The following NPSR1 variants were observed in gnomAD, a reference collection of about 807,000 sequenced individuals.
NPSR1 encodes neuropeptide S receptor.
A neutral mutation model predicts 46.9 loss-of-function variants in NPSR1; 48 were observed. The ratio of observed to expected loss-of-function variants is 1.02; its 90% CI spans 0.81 to 1.30. The LOEUF is 1.30. Ranked by LOEUF, NPSR1 falls within the 50% of genes most tolerant of loss-of-function variation. The probability of loss-of-function intolerance (pLI) is 0.00; values close to 1 mark genes in which losing one functional copy is unlikely to be tolerated. For missense variants in NPSR1, 450 were observed against 449.5 expected (o/e 1.00, Z -0.01); for synonymous variants, 176 against 168.1 (o/e 1.05, Z -0.36).
intron 2 of NPSR1, among the ~76,000 whole-genome samples, chr7:34,757,846 T>A (rs1785948864): frequency 2.0e-5 from 3 of 152,192 alleles, no homozygotes; most frequent in African/African-American, 7.2e-5. Context: ...ACAAACAACT[T>A]ACTTTGCCCC....
In NPSR1 at chr7:34,663,067, C is replaced by CTCTCTCTCTCTCTCTCTCTCTGTGTG. The variant is rs35826710; in HGVS notation, c.147+4509_147+4510insCTCTCTCTCTCTCTCTCTCTGTGTGT. On this transcript the variant is annotated intron_variant, in intron 1 of 8. Coordinates refer to ENST00000360581, the MANE Select transcript of NPSR1 (RefSeq NM_207172.2). Reference sequence around the variant, plus strand: ...TCTCTCTCTCTCTCTCTCTCTCTCTCTGTGTGTGTGTGTGTATGTGTGTGT... The same window carrying CTCTCTCTCTCTCTCTCTCTCTGTGTG: ...TCTCTCTCTCTCTCTCTCTCTCTCTCTCTCTCTCTCTCTCTCTCTCTGTGTGTGTGTGTGTGTGTGTATGTGTGTGT... 7.0e-5 allele frequency among the ~76,000 whole-genome samples: 7 copies of CTCTCTCTCTCTCTCTCTCTCTGTGTG among 99,426 alleles called. 1 individual carries two copies. The highest frequency in any genetic ancestry group is 4.0e-4 in the African/African-American group (7 of 17,646). 65.2% of individuals were successfully genotyped at this position (99,426 alleles called of 152,430 possible).
chr7:34,803,832 T>C (rs1788555932), intron 3 of NPSR1, among the ~76,000 whole-genome samples: 1 of 151,166 alleles, frequency 6.6e-6, no homozygotes, highest in South Asian at 2.1e-4. Context: ...ACTGATTCTG[T>C]GGACATTAAA....
At position 34,860,728 on chromosome 7, in the gene NPSR1, C is replaced by T. The variant is rs1477479064; in HGVS notation, c.1025+12065C>T. 1.3e-5 allele frequency among the ~76,000 whole-genome samples: 2 copies of T among 151,818 alleles called. 1 individual carries two copies. The highest frequency in any genetic ancestry group is 4.9e-5 in the African/African-American group (2 of 41,100). On this transcript the variant is annotated intron_variant, in intron 8 of 8. Coordinates refer to the NPSR1 transcript ENST00000359791. ...CATGCCATGTAACCTCTGGAAAATT[C>T]CACTGTACACATGACAGAACAAAAA... is the stretch of plus-strand genomic sequence containing the variant.
chr7:34,673,248 G>C (rs1013535119), intron 1 of NPSR1, among the ~76,000 whole-genome samples: 22 of 152,222 alleles, frequency 1.4e-4, no homozygotes, highest in African/African-American at 5.1e-4. Flanking sequence ...TCCACCATCA[G>C]ACTATAAGCT....
At chr7:34,715,602 A>G (rs1783523101) in intron 2 of NPSR1, among the ~76,000 whole-genome samples, 1 of 152,198 alleles carries the variant, frequency 6.6e-6, no homozygotes. Context: ...AAAAGCCCCT[A>G]TTAGATGGTT....
chr7:34,776,746 T>C (rs1011707107), intron 2 of NPSR1, among the ~76,000 whole-genome samples: 2 of 152,172 alleles, frequency 1.3e-5, no homozygotes, highest in Non-Finnish European at 2.9e-5. Context: ...CTGCTGGTTA[T>C]TCTGAGCCCA....
intron 4 of NPSR1, among the ~76,000 whole-genome samples, chr7:34,814,752 G>A (rs189943465): frequency 4.6e-5 from 7 of 152,330 alleles, no homozygotes; most frequent in Admixed American, 4.6e-4. Flanking sequence ...CACAGCCTCT[G>A]CTAGTGATAC....
chr7:34,717,855 T>C (rs928268827), intron 2 of NPSR1, among the ~76,000 whole-genome samples: 1 of 152,198 alleles, frequency 6.6e-6, no homozygotes, highest in Non-Finnish European at 1.5e-5. Flanking sequence ...TTGGAGAATT[T>C]TGAGTGCCAT....
intron 2 of NPSR1, among the ~76,000 whole-genome samples, chr7:34,696,431 C>T (rs1177918247): frequency 6.6e-6 from 1 of 151,996 alleles, no homozygotes; most frequent in East Asian, 1.9e-4. Flanking sequence ...TTACAATACA[C>T]CTGTGTATTA....
At chr7:34,810,089 G>C (rs1788907903) in intron 3 of NPSR1, among the ~76,000 whole-genome samples, 1 of 152,182 alleles carries the variant, frequency 6.6e-6, no homozygotes, top group Admixed American at 6.5e-5. Context: ...GAACCACAAT[G>C]TGCTTGATTG....
At chr7:34,723,500 C>G (rs934183510) in intron 2 of NPSR1, 1 of 149,070 alleles carries the variant, frequency 6.7e-6, no homozygotes, top group East Asian at 2.0e-4. Context: ...GAAGGGGGCA[C>G]AAGATTTCTA....
intron 1 of NPSR1, among the ~76,000 whole-genome samples, chr7:34,667,318 T>C (rs1014485163): frequency 1.3e-5 from 2 of 152,182 alleles, no homozygotes; most frequent in Non-Finnish European, 2.9e-5. Flanking sequence ...CCAGTTCTCA[T>C]GTGGGAGGAA....
At chr7:34,815,757 A>G (rs1014282507) in intron 4 of NPSR1, among the ~76,000 whole-genome samples, 1 of 151,666 alleles carries the variant, frequency 6.6e-6, no homozygotes, top group African/African-American at 2.4e-5. Flanking sequence ...GTGGGGGCCA[A>G]TATTCAACAT....
exon 9 of NPSR1, chr7:34,878,204 C>G: frequency 2.8e-6 from 4 of 1,443,242 alleles, no homozygotes; most frequent in Non-Finnish European, 3.9e-6. Flanking sequence ...CCCTGTGCTG[C>G]AGGTGGCCCT....
intron 3 of NPSR1, among the ~76,000 whole-genome samples, chr7:34,798,406 G>T (rs187614755): frequency 6.6e-6 from 1 of 152,126 alleles, no homozygotes; most frequent in Admixed American, 6.5e-5. Flanking sequence ...GTGGTGGCAC[G>T]CACCTGTAAT....
chr7:34,872,958 T>G (rs1791493194), intron 8 of NPSR1, among the ~76,000 whole-genome samples: 2 of 150,434 alleles, frequency 1.3e-5, no homozygotes, highest in African/African-American at 5.0e-5. Flanking sequence ...CTTGCACATA[T>G]AAACACTGGC....
chr7:34,748,596 C>T (rs1785342131), intron 2 of NPSR1, among the ~76,000 whole-genome samples: 1 of 152,248 alleles, frequency 6.6e-6, no homozygotes, highest in Admixed American at 6.5e-5. Context: ...CACTCCTGGG[C>T]CAAGGTTTGA....
intron 3 of NPSR1, among the ~76,000 whole-genome samples, chr7:34,784,783 C>T (rs1787385494): frequency 6.6e-6 from 1 of 152,126 alleles, no homozygotes. Flanking sequence ...AGAAAAAATG[C>T]TCACCATCAC....
At chr7:34,870,231 ACCCCAC>A (rs1238891149) in intron 8 of NPSR1, among the ~76,000 whole-genome samples, 4 of 151,730 alleles carry the variant, frequency 2.6e-5, no homozygotes, top group African/African-American at 9.7e-5. Context: ...TGTGACTGTC[ACCCCAC>A]TGTACTGTAA....
Sources: allele counts gnomAD v4.1 joint callset (sites outside exome capture counted in the v4.1 genomes callset), GRCh38; gene constraint gnomAD v4.1.1; transcripts MANE v1.5; gene names NCBI Gene and HGNC (gene_info 2026-07-23, HGNC 2026-07-21).